The following KATNIP variants were observed in gnomAD, a reference collection of about 807,000 sequenced individuals.
KATNIP encodes katanin interacting protein.
A neutral mutation model predicts 174.0 loss-of-function variants in KATNIP; 126 were observed. The observed-to-expected ratio is 0.72, with a 90% CI of 0.63 to 0.84. KATNIP has a LOEUF of 0.84. KATNIP is among the 40% of genes least tolerant of loss of function. The pLI is 0.00. For synonymous variants in KATNIP, 810 were observed against 835.7 expected, an observed-to-expected ratio of 0.97 and a Z score of 0.53; for missense variants, 1,958 against 2,109.7, an observed-to-expected ratio of 0.93 and a Z score of 1.41.
At chr16:27,613,826 G>C (rs1454492130) in intron 2 of KATNIP, among the ~76,000 whole-genome samples, 2 of 152,166 alleles carry the variant, frequency 1.3e-5, no homozygotes, top group Non-Finnish European at 2.9e-5. Context: ...CTTGCACTCA[G>C]GATGAGGCAG....
intron 8 of KATNIP, among the ~76,000 whole-genome samples, chr16:27,697,944 T>G (rs1460966231): frequency 6.6e-6 from 1 of 152,184 alleles, no homozygotes; most frequent in African/African-American, 2.4e-5. Flanking sequence ...CCCCGAACAC[T>G]GCTATATATA....
chr16:27,679,985 C>G (rs952391276), intron 7 of KATNIP, among the ~76,000 whole-genome samples: 5 of 152,144 alleles, frequency 3.3e-5, no homozygotes, highest in Non-Finnish European at 5.9e-5. Context: ...AGACCGCACT[C>G]AGAAGTTGCT....
At chr16:27,694,900 C>T (rs1220465688) in intron 8 of KATNIP, among the ~76,000 whole-genome samples, 2 of 152,182 alleles carry the variant, frequency 1.3e-5, no homozygotes, top group African/African-American at 2.4e-5. Flanking sequence ...GTTCTGATGC[C>T]ACACTCACAT....
intron 8 of KATNIP, among the ~76,000 whole-genome samples, chr16:27,694,899 C>T (rs116121597): frequency 6.6e-6 from 1 of 152,230 alleles, no homozygotes; most frequent in Non-Finnish European, 1.5e-5. Context: ...TGTTCTGATG[C>T]CACACTCACA....
At chr16:27,687,300 T>G (rs2078560138) in intron 8 of KATNIP, 1 of 145,066 alleles carries the variant, frequency 6.9e-6, no homozygotes, top group Non-Finnish European at 1.5e-5. Flanking sequence ...AACGATCTCT[T>G]TTTTTTTTCA....
intron 6 of KATNIP, among the ~76,000 whole-genome samples, chr16:27,676,729 T>C (rs2142747684): frequency 6.6e-6 from 1 of 152,120 alleles, no homozygotes; most frequent in East Asian, 1.9e-4. Flanking sequence ...TAGAGTACAG[T>C]GGCAATCATA....
chr16:27,639,929 A>G (rs903913163), intron 5 of KATNIP, among the ~76,000 whole-genome samples: 4 of 152,214 alleles, frequency 2.6e-5, no homozygotes, highest in Non-Finnish European at 5.9e-5. Context: ...TACCTTTGTC[A>G]GTGTTTTAGA....
chr16:27,740,983 G>A (rs976747901), intron 15 of KATNIP, 63 bp downstream of exon 15: 16 of 1,345,218 alleles, frequency 1.2e-5, no homozygotes, highest in African/African-American at 3.1e-5. Flanking sequence ...TTGGCATGAA[G>A]CCAGTTAGCT....
intron 15 of KATNIP, among the ~76,000 whole-genome samples, chr16:27,744,955 TTTAA>T (rs1169894242): frequency 6.6e-6 from 1 of 151,866 alleles, no homozygotes; most frequent in Non-Finnish European, 1.5e-5. Flanking sequence ...AGAAAATAAA[TTTAA>T]TTAATTAAAA....
chr16:27,701,313 G>A, intron 10 of KATNIP: 1 of 287,972 alleles, frequency 3.5e-6, no homozygotes, highest in Non-Finnish European at 6.8e-6. Context: ...ATGAACCATT[G>A]CGTCTGGCCA....
chr16:27,764,637 T>C (rs1455197496), intron 19 of KATNIP, among the ~76,000 whole-genome samples: 2 of 152,236 alleles, frequency 1.3e-5, no homozygotes, highest in Non-Finnish European at 2.9e-5. Flanking sequence ...TGGATAGAGC[T>C]AGGAATTCAT....
chr16:27,578,074 G>A (rs970194838), intron 2 of KATNIP, among the ~76,000 whole-genome samples: 3 of 152,130 alleles, frequency 2.0e-5, no homozygotes, highest in African/African-American at 7.2e-5. Flanking sequence ...AAATATGTGG[G>A]TGTGCAACCT....
At chr16:27,662,698 A>G (rs2077564787) in intron 6 of KATNIP, among the ~76,000 whole-genome samples, 1 of 152,212 alleles carries the variant, frequency 6.6e-6, no homozygotes, top group Non-Finnish European at 1.5e-5. Context: ...CATATTTTTC[A>G]ATCTTAATGA....
Position 27,776,252 on chromosome 16 carries a change from C to G in KATNIP, c.4450-676C>G, listed in dbSNP as rs148178648. On this transcript the variant is annotated intron_variant, in intron 24 of 27. Coordinates refer to ENST00000261588, the MANE Select transcript of KATNIP (RefSeq NM_015202.5). This position sits in a 1 kb window ranked among gnomAD's most constrained non-coding sequence, Gnocchi z 4.7. ...CTGGGGACCAGGGCCTGGGGCAGGACTGAGCCTGCAGTCTGTGGCCAGTGT... is the reference window on the plus strand; with the variant it reads ...CTGGGGACCAGGGCCTGGGGCAGGAGTGAGCCTGCAGTCTGTGGCCAGTGT... Among the ~76,000 whole-genome samples the G allele has an allele frequency of 6.6e-6, 1 of 152,158 alleles. No individual in the cohort carries two copies. Among genetic ancestry groups the G allele is most frequent in the Non-Finnish European group, 1.5e-5 (1 of 68,036 alleles).
rs796886653 is a variant in KATNIP, at chr16:27,696,731, CTT to C, written c.941-1584_941-1583del. 1.4e-4 allele frequency among the ~76,000 whole-genome samples: 19 copies of C among 140,564 alleles called. 1 individual carries two copies. Among genetic ancestry groups the C allele is most frequent in the South Asian group, 9.1e-4 (4 of 4,412 alleles). 92.2% of individuals were successfully genotyped at this position (140,564 alleles called of 152,430 possible). ...TTCTATAGTATTCCACATTTTTTTT[CTT>C]TTTTTTTTTTTTGAGACAGAGTTTC... On this transcript the variant is annotated intron_variant, in intron 8 of 27. Transcript: ENST00000261588.
intron 5 of KATNIP, among the ~76,000 whole-genome samples, chr16:27,633,085 A>C (rs1223515462): frequency 6.6e-6 from 1 of 152,048 alleles, no homozygotes; most frequent in Non-Finnish European, 1.5e-5. Flanking sequence ...CTTAGAAAAG[A>C]AAGCCTCCTG....
chr16:27,777,685 A>T lies in KATNIP; in HGVS notation c.4627A>T (p.Thr1543Ser), dbSNP rs1341704503. 6.2e-7 allele frequency: 1 copy of T among 1,614,024 alleles called. No individual in the cohort carries two copies. Among genetic ancestry groups the T allele is most frequent in the Non-Finnish European group, 8.5e-7 (1 of 1,179,992 alleles). The change falls in exon 26 of 28, where the codon ACA (threonine) becomes TCA (serine). Residue 1543 changes from threonine to serine, a missense_variant. By Grantham distance (58) the Thr-to-Ser change is moderately conservative. Coordinates refer to ENST00000261588, the MANE Select transcript of KATNIP (RefSeq NM_015202.5). This position sits in a 1 kb window ranked among gnomAD's most constrained non-coding sequence, Gnocchi z 4.4. ...VSHLVGGILP[T>S]CEPTVPYHTI... is the part of the protein sequence containing the mutation. Reference sequence around the variant, plus strand: ...CCACCTGGTGGGGGGCATCCTGCCCACATGTGAGCCCACCGTGCCCTACCA... The same window carrying T: ...CCACCTGGTGGGGGGCATCCTGCCCTCATGTGAGCCCACCGTGCCCTACCA...
chr16:27,625,129 A>T (rs1490792647), intron 3 of KATNIP, among the ~76,000 whole-genome samples: 2 of 152,184 alleles, frequency 1.3e-5, no homozygotes, highest in African/African-American at 4.8e-5. Context: ...TTTTTAAAAA[A>T]CACTTTTCTT....
chr16:27,775,027 AGT>A lies in KATNIP; in HGVS notation c.4394_4395del (p.Val1465GlufsTer5). ...GCACCCCAGACAAGCTCATCGACCA[AGT>A]GAACGACACCAGTGATGGCCGGCAC... ...VRTPDKLIDQ[V>X]NDTSDGRHMW... On this transcript the variant is annotated frameshift_variant, in exon 24 of 28. Coordinates refer to ENST00000261588, the MANE Select transcript of KATNIP (RefSeq NM_015202.5). LOFTEE classifies it high-confidence loss of function. 2.5e-6 allele frequency: 4 copies of A among 1,613,584 alleles called. No individual in the cohort carries two copies. In the South Asian group the frequency reaches 4.4e-5, roughly 18 times the overall value.
Sources: allele counts gnomAD v4.1 joint callset (sites outside exome capture counted in the v4.1 genomes callset), GRCh38; gene constraint gnomAD v4.1.1; non-coding constraint Gnocchi (gnomAD v3.1); transcripts MANE v1.5; gene names NCBI Gene and HGNC (gene_info 2026-07-23, HGNC 2026-07-21).